The following RARB variants were observed in gnomAD, a reference collection of about 807,000 sequenced individuals.
RARB encodes retinoic acid receptor beta.
In RARB, 17 loss-of-function variants were observed where a neutral mutation model predicts 51.9. The ratio of observed to expected loss-of-function variants is 0.33; its 90% CI spans 0.22 to 0.49. RARB has a LOEUF of 0.49. RARB is among the 20% of genes least tolerant of loss of function. The pLI is 0.99. For synonymous variants in RARB, 215 were observed against 195.4 expected (o/e 1.10, Z -0.84); for missense variants, 369 against 550.8 (o/e 0.67, Z 3.30).
chr3:25,121,493 A>G (rs1699782151), intron 3 of RARB, among the ~76,000 whole-genome samples: 1 of 152,188 alleles, frequency 6.6e-6, no homozygotes, highest in East Asian at 1.9e-4. Flanking sequence ...AATATGGTGC[A>G]AAAGAAAAAT....
intron 5 of RARB, among the ~76,000 whole-genome samples, chr3:25,224,642 CT>C (rs1702014803): frequency 2.0e-5 from 3 of 152,258 alleles, no homozygotes; most frequent in Admixed American, 2.0e-4. Flanking sequence ...GGGTCTCACT[CT>C]TTTGCTCAGG....
At chr3:25,298,948 A>G (rs1050091630) in intron 5 of RARB, among the ~76,000 whole-genome samples, 1 of 152,138 alleles carries the variant, frequency 6.6e-6, no homozygotes, top group Non-Finnish European at 1.5e-5. Flanking sequence ...ACTCCCTTGT[A>G]TGATTATGCT....
intron 5 of RARB, among the ~76,000 whole-genome samples, chr3:25,335,151 G>GC (rs1424864758): frequency 6.6e-6 from 1 of 152,150 alleles, no homozygotes; most frequent in Non-Finnish European, 1.5e-5. Context: ...AATAGCACAA[G>GC]CATACTGTAT....
intron 2 of RARB, among the ~76,000 whole-genome samples, chr3:25,010,644 C>T (rs1038146088): frequency 6.6e-6 from 1 of 152,066 alleles, no homozygotes; most frequent in Non-Finnish European, 1.5e-5. Context: ...ATTTAACCCC[C>T]ACAGTACCCC....
chr3:25,195,822 T>A (rs978026636), intron 5 of RARB, among the ~76,000 whole-genome samples: 8 of 152,020 alleles, frequency 5.3e-5, no homozygotes, highest in Non-Finnish European at 1.0e-4. Flanking sequence ...TGATAAAATA[T>A]GAAAATGTAA....
rs1235426221 is a variant in RARB at position 25,597,729 on chromosome 3, C to CAGAT, written c.*1115_*1118dup. On this transcript the variant is annotated 3_prime_UTR_variant, in exon 8 of 8. Coordinates refer to ENST00000330688, the MANE Select transcript of RARB (RefSeq NM_000965.5). Reference sequence around the variant, plus strand: ...GTGAAAGCTGTGGTAGAGTGGTTAACAGATACAAGTGTCAGTTTCTTAGTT... The same window carrying CAGAT: ...GTGAAAGCTGTGGTAGAGTGGTTAACAGATAGATACAAGTGTCAGTTTCTTAGTT... 3 of 152,590 alleles carry CAGAT rather than the reference C, an allele frequency of 2.0e-5. No individual in the cohort carries two copies. The highest frequency in any genetic ancestry group is 1.9e-4 in the East Asian group (1 of 5,174). The allele number at this position is 152,590 out of a possible 1,614,324, so 9.5% of individuals were successfully genotyped here.
intron 3 of RARB, among the ~76,000 whole-genome samples, chr3:25,531,127 C>A (rs1698887157): frequency 6.6e-6 from 1 of 152,066 alleles, no homozygotes. Flanking sequence ...TAGAACTTAA[C>A]CTGGGGAACT....
At chr3:25,434,159 T>C (rs1046132535) in intron 1 of RARB, among the ~76,000 whole-genome samples, 4 of 152,142 alleles carry the variant, frequency 2.6e-5, no homozygotes, top group African/African-American at 9.7e-5. Flanking sequence ...CAGGAGTCTC[T>C]AGGCTTCCCC....
chr3:24,845,751 T>C (rs975349472), intron 1 of RARB, among the ~76,000 whole-genome samples: 1 of 151,942 alleles, frequency 6.6e-6, no homozygotes, highest in South Asian at 2.1e-4. Context: ...CTGCAGCAGA[T>C]AGCCCCCCTC....
At chr3:25,229,165 C>T (rs1190213215) in intron 5 of RARB, among the ~76,000 whole-genome samples, 1 of 152,074 alleles carries the variant, frequency 6.6e-6, no homozygotes, top group Non-Finnish European at 1.5e-5. Context: ...CAACTTGGAG[C>T]AAATGTTGCT....
chr3:24,861,289 C>T (rs1702743509), intron 2 of RARB, among the ~76,000 whole-genome samples: 1 of 152,074 alleles, frequency 6.6e-6, no homozygotes, highest in African/African-American at 2.4e-5. Context: ...TATGCAAATA[C>T]TATGTCATTT....
intron 3 of RARB, among the ~76,000 whole-genome samples, chr3:25,066,604 A>AACACAC (rs5847340): frequency 2.4e-4 from 35 of 146,820 alleles, no homozygotes; most frequent in Admixed American, 8.2e-4. Context: ...CGCACACATA[A>AACACAC]ACACACACAC....
intron 2 of RARB, among the ~76,000 whole-genome samples, chr3:24,967,777 T>A (rs1017807431): frequency 6.6e-6 from 1 of 152,190 alleles, no homozygotes; most frequent in Non-Finnish European, 1.5e-5. Context: ...GCAAACATTA[T>A]TTTAAGCAGT....
Position 25,199,598 on chromosome 3 carries a change from C to T in RARB, c.178+25023C>T, listed in dbSNP as rs375184530. Among the ~76,000 whole-genome samples, 12 of 152,072 alleles carry T rather than the reference C, an allele frequency of 7.9e-5. No homozygotes were observed. In the East Asian group the frequency reaches 9.6e-4, roughly 12 times the overall value. On this transcript the variant is annotated intron_variant, in intron 5 of 11. Coordinates refer to the RARB transcript ENST00000383772. The stretch of plus-strand genomic sequence containing the variant: ...GGTATATTTCCTAATGCTATCCCTT[C>T]CCCGACACCACAACAGGCACTGGTG...
At chr3:25,584,762 C>G (rs1268412438) in intron 5 of RARB, among the ~76,000 whole-genome samples, 2 of 152,148 alleles carry the variant, frequency 1.3e-5, no homozygotes, top group Non-Finnish European at 2.9e-5. Flanking sequence ...AACGTTTGCT[C>G]TGTCTTGTCA....
At chr3:25,574,264 T>G (rs1700831165) in intron 4 of RARB, among the ~76,000 whole-genome samples, 1 of 152,200 alleles carries the variant, frequency 6.6e-6, no homozygotes, top group Non-Finnish European at 1.5e-5. Context: ...CATGTGACTT[T>G]GGAAAGTTAC....
At chr3:25,388,204 A>G (rs1706850694) in intron 5 of RARB, among the ~76,000 whole-genome samples, 1 of 152,252 alleles carries the variant, frequency 6.6e-6, no homozygotes, top group East Asian at 1.9e-4. Context: ...TAATTATTAC[A>G]TACAGCATTG....
chr3:24,913,557 C>G (rs1328766731), intron 2 of RARB, among the ~76,000 whole-genome samples: 1 of 152,078 alleles, frequency 6.6e-6, no homozygotes, highest in Non-Finnish European at 1.5e-5. Context: ...GTTGAAATAA[C>G]TATCAGGAAA....
chr3:25,471,136 T>A (rs1695668201), intron 2 of RARB, among the ~76,000 whole-genome samples: 1 of 152,252 alleles, frequency 6.6e-6, no homozygotes, highest in South Asian at 2.1e-4. Context: ...TACATTCATG[T>A]AAACATTCAT....
Sources: allele counts gnomAD v4.1 joint callset (sites outside exome capture counted in the v4.1 genomes callset), GRCh38; gene constraint gnomAD v4.1.1; transcripts MANE v1.5; gene names NCBI Gene and HGNC (gene_info 2026-07-23, HGNC 2026-07-21).